Variants in PRRX1 observed in about 807,000 individuals in gnomAD.
PRRX1 encodes paired mesoderm homeobox protein 1.
PRRX1 carries 8 observed loss-of-function variants against 24.0 expected under a neutral mutation model. The ratio of observed to expected loss-of-function variants is 0.33; its 90% CI spans 0.20 to 0.60. The LOEUF is 0.60. PRRX1 is among the 20% of genes least tolerant of loss of function. The pLI is 0.82. For synonymous variants in PRRX1, 160 were observed against 131.7 expected (o/e 1.22, Z -1.47); for missense variants, 281 against 322.4 (o/e 0.87, Z 0.98).
chr1:170,718,634 A>T (rs992832236), intron 1 of PRRX1, among the ~76,000 whole-genome samples: 1 of 152,190 alleles, frequency 6.6e-6, no homozygotes, highest in African/African-American at 2.4e-5. Flanking sequence ...GCTATGGGGA[A>T]TGTAAGTCAA....
intron 3 of PRRX1, 149 bp downstream of exon 3, chr1:170,726,550 C>T (rs1315978001): frequency 8.1e-6 from 8 of 988,276 alleles, no homozygotes; most frequent in Admixed American, 2.5e-5. Flanking sequence ...CCACATTTTC[C>T]CAGGAGATTA....
Position 170,664,137 on chromosome 1 carries a change from C to T in PRRX1, c.-82C>T. The T allele has an allele frequency of 7.1e-7, 1 of 1,407,916 alleles. No individual in the cohort carries two copies. The highest frequency in any genetic ancestry group is 9.6e-7 in the Non-Finnish European group (1 of 1,041,164). 87.2% of individuals were successfully genotyped at this position (1,407,916 alleles called of 1,614,324 possible). A position where few individuals can be genotyped will look rare whatever the true frequency, so the allele number is the denominator to read the frequency against. ...ACCCCCCTCTTTCTTCCCCACTCGGCTCCTCTCCCCCCTCGCGCCCACAGC... is the reference window on the plus strand; with the variant it reads ...ACCCCCCTCTTTCTTCCCCACTCGGTTCCTCTCCCCCCTCGCGCCCACAGC... On this transcript the variant is annotated 5_prime_UTR_variant, in exon 1 of 4. Coordinates refer to ENST00000239461, the MANE Select transcript of PRRX1 (RefSeq NM_022716.4).
Position 170,730,412 on chromosome 1 carries a change from G to A in PRRX1, c.599+4011G>A, listed in dbSNP as rs142865784. 4.3e-4 allele frequency: 590 copies of A among 1,363,390 alleles called. 4 individuals are homozygous for A. In the East Asian group the frequency reaches 0.013, roughly 30 times the overall value. 84.5% of individuals were successfully genotyped at this position (1,363,390 alleles called of 1,614,324 possible). On this transcript the variant is annotated intron_variant, in intron 3 of 3. Coordinates refer to ENST00000239461, the MANE Select transcript of PRRX1 (RefSeq NM_022716.4). ...TAGGGTTTAAGTGGGAATTCAGAGT[G>A]TTTAAGAAAGTGGGGGTTGCAGTTC...
At chr1:170,701,176 A>G (rs534591147) in intron 1 of PRRX1, among the ~76,000 whole-genome samples, 3 of 152,288 alleles carry the variant, frequency 2.0e-5, no homozygotes, top group South Asian at 4.1e-4. Context: ...TATCTCATCT[A>G]TTAAGTTACA....
intron 1 of PRRX1, chr1:170,667,878 GATTCTTA>G (rs1458295537): frequency 6.6e-6 from 1 of 152,058 alleles, no homozygotes; most frequent in Non-Finnish European, 1.5e-5. Flanking sequence ...TTCAATATTA[GATTCTTA>G]ATTTTGCAAA....
intron 1 of PRRX1, among the ~76,000 whole-genome samples, chr1:170,713,848 T>G (rs965696355): frequency 1.3e-5 from 2 of 152,210 alleles, no homozygotes; most frequent in Non-Finnish European, 2.9e-5. Flanking sequence ...ATACAAAGTT[T>G]AGGGGCTTTA....
rs530746731 is a variant in PRRX1, at chr1:170,665,190, G to A, written c.241+731G>A. 9.2e-5 allele frequency among the ~76,000 whole-genome samples: 14 copies of A among 152,330 alleles called. No homozygotes were observed. In the South Asian group the frequency reaches 2.9e-3, roughly 32 times the overall value. On this transcript the variant is annotated intron_variant, in intron 1 of 3. Coordinates refer to ENST00000239461, the MANE Select transcript of PRRX1 (RefSeq NM_022716.4). ...CTGAAATCCAGCCCCGCATGATCCCGCACAGGCGAGCTGCATCCGGGAGGC... is the reference window on the plus strand; with the variant it reads ...CTGAAATCCAGCCCCGCATGATCCCACACAGGCGAGCTGCATCCGGGAGGC...
At chr1:170,702,141 G>C (rs1057367974) in intron 1 of PRRX1, among the ~76,000 whole-genome samples, 1 of 152,170 alleles carries the variant, frequency 6.6e-6, no homozygotes, top group Admixed American at 6.5e-5. Context: ...GTTTCTACTC[G>C]TATAAGAATC....
intron 1 of PRRX1, among the ~76,000 whole-genome samples, chr1:170,699,457 T>A (rs1251120473): frequency 6.6e-6 from 1 of 151,980 alleles, no homozygotes. Flanking sequence ...ACACAGCTCC[T>A]CTAGATAAAT....
intron 3 of PRRX1, chr1:170,730,332 C>G (rs146552721): frequency 6.2e-7 from 1 of 1,610,546 alleles, no homozygotes; most frequent in Admixed American, 1.7e-5. Flanking sequence ...CGGATTCTAA[C>G]GGAAGACACT....
intron 3 of PRRX1, 107 bp from the exon 4 acceptor site, chr1:170,735,941 G>A: frequency 4.7e-6 from 7 of 1,478,236 alleles, no homozygotes; most frequent in African/African-American, 1.4e-5. Flanking sequence ...CCAAGCCATT[G>A]CCCCTGCCTG....
chr1:170,689,548 G>T (rs532545193), intron 1 of PRRX1, among the ~76,000 whole-genome samples: 1 of 152,150 alleles, frequency 6.6e-6, no homozygotes, highest in Non-Finnish European at 1.5e-5. Flanking sequence ...AGGAAGATTT[G>T]TGTGTTTAAT....
At chr1:170,677,466 A>G (rs1363963662) in intron 1 of PRRX1, among the ~76,000 whole-genome samples, 4 of 152,214 alleles carry the variant, frequency 2.6e-5, no homozygotes, top group African/African-American at 9.6e-5. Flanking sequence ...CATTATTTCC[A>G]CCCCACAGCA....
At chr1:170,735,552 A>G (rs1655575631) in intron 3 of PRRX1, among the ~76,000 whole-genome samples, 1 of 152,212 alleles carries the variant, frequency 6.6e-6, no homozygotes, top group Non-Finnish European at 1.5e-5. Flanking sequence ...ATTATTTATT[A>G]TGGTATTTAT....
chr1:170,675,357 A>G (rs61817379), intron 1 of PRRX1, among the ~76,000 whole-genome samples: 37,976 of 152,084 alleles, frequency 0.25, 5,897 homozygotes, highest in Middle Eastern at 0.37. Flanking sequence ...CAATTTTTAC[A>G]TGATTTGGTG....
intron 3 of PRRX1, chr1:170,730,611 A>T (rs903019506): frequency 7.5e-6 from 3 of 402,304 alleles, no homozygotes; most frequent in Admixed American, 4.0e-5. Context: ...ACTCTGATTC[A>T]CTAATTCCAG....
chr1:170,666,354 G>T (rs1481472324), intron 1 of PRRX1, among the ~76,000 whole-genome samples: 1 of 145,556 alleles, frequency 6.9e-6, no homozygotes, highest in African/African-American at 2.6e-5. Context: ...GGAAGCAGAG[G>T]TTGCAGTGAG....
At chr1:170,699,314 T>C (rs954712074) in intron 1 of PRRX1, among the ~76,000 whole-genome samples, 1 of 152,108 alleles carries the variant, frequency 6.6e-6, no homozygotes, top group African/African-American at 2.4e-5. Flanking sequence ...TTTTTATTTA[T>C]TTTACTTTTT....
intron 3 of PRRX1, chr1:170,728,800 A>G (rs1372762898): frequency 6.6e-6 from 1 of 152,228 alleles, no homozygotes; most frequent in Non-Finnish European, 1.5e-5. Context: ...ATTTTCTGCT[A>G]TGTTTAGAAC....
Sources: gnomAD v4.1 joint callset for allele counts (sites outside exome capture counted in the v4.1 genomes callset) on GRCh38, gnomAD v4.1.1 for gene constraint, MANE v1.5 for transcripts, NCBI Gene and HGNC (gene_info 2026-07-23, HGNC 2026-07-21) for gene names.